Variants in YBX3 observed in about 807,000 individuals in gnomAD.
YBX3 encodes the protein Y-box binding protein 3, also known as Y-box-binding protein 3.
A neutral mutation model predicts 42.4 loss-of-function variants in YBX3; 29 were observed. The ratio of observed to expected loss-of-function variants is 0.68; its 90% CI spans 0.51 to 0.93. The LOEUF is 0.93. Among genes scored for constraint, YBX3 ranks in the 40% least tolerant of loss-of-function variants. The probability of loss-of-function intolerance (pLI) is 0.00; values close to 1 mark genes in which losing one functional copy is unlikely to be tolerated. For synonymous variants in YBX3, 195 were observed against 189.8 expected (o/e 1.03, Z -0.22); for missense variants, 517 against 527.5 (o/e 0.98, Z 0.19).
intron 1 of YBX3, 87 bp downstream of exon 1, chr12:10,722,763 G>A: frequency 2.5e-6 from 3 of 1,177,634 alleles, no homozygotes; most frequent in South Asian, 3.3e-5. Flanking sequence ...CCGGGTGGGA[G>A]ATGTAGCGCG....
intron 7 of YBX3, 142 bp downstream of exon 7, chr12:10,703,909 C>A: frequency 1.5e-6 from 1 of 688,848 alleles, no homozygotes; most frequent in South Asian, 2.4e-5. Context: ...GTCACACCAC[C>A]ACCTGAAAAC....
rs1948256101 is a variant in YBX3, at chr12:10,715,853, G to A, written c.361-70C>T. ...TGGCCACAGATTTCACTGCTTTCAA[G>A]TACACCAGAGTGAACTTGAAGAAAC... On this transcript the variant is annotated intron_variant, in intron 3 of 9. Transcript: ENST00000228251. The A allele has an allele frequency of 3.2e-6, 4 of 1,269,300 alleles. No homozygotes were observed. In the African/African-American group the frequency reaches 4.5e-5, roughly 14 times the overall value. The allele number at this position is 1,269,300 out of a possible 1,614,324, so 78.6% of individuals were successfully genotyped here.
At chr12:10,702,172 C>T (rs757577059) in intron 7 of YBX3, 38 bp from the exon 8 acceptor site, 2 of 1,562,954 alleles carry the variant, frequency 1.3e-6, no homozygotes, top group African/African-American at 1.4e-5. Flanking sequence ...CAGGTGCCAA[C>T]AGGACAGGGC....
In YBX3 at chr12:10,702,049, G is replaced by A; in HGVS notation, c.964C>T (p.Gln322Ter). The change falls in exon 8 of 10, where the codon CAG (glutamine) becomes TAG (stop). Residue 322 changes from glutamine to a stop codon, truncating the protein, a stop_gained. Coordinates refer to ENST00000228251, the MANE Select transcript of YBX3 (RefSeq NM_003651.5). LOFTEE classifies it high-confidence loss of function. ...ENQQATSGPN[Q>*]PSVRRGYRRP... ...CGGTATCCACGGCGAACAGACGGCT[G>A]GTTTGGACCACTGGTGGCTTGCTGA... 1.2e-6 allele frequency: 2 copies of A among 1,614,154 alleles called. No homozygotes were observed. The highest frequency in any genetic ancestry group is 8.5e-7 in the Non-Finnish European group (1 of 1,180,036).
Position 10,701,329 on chromosome 12 carries a change from CAGTT to C in YBX3, c.1074_1077del (p.Thr359ArgfsTer28), listed in dbSNP as rs1199241029. Reference sequence around the variant, plus strand: ...TGCTGGGTGGGTGGAGCAGGGTTCTCAGTTGGTGCTTCACCTGCCTTGGCCTAAA... The same window carrying C: ...TGCTGGGTGGGTGGAGCAGGGTTCTCGGTGCTTCACCTGCCTTGGCCTAAA... On this transcript the variant is annotated frameshift_variant, in exon 9 of 10. Coordinates refer to ENST00000228251, the MANE Select transcript of YBX3 (RefSeq NM_003651.5). LOFTEE classifies it high-confidence loss of function. 1 of 781,000 alleles carries C rather than the reference CAGTT, an allele frequency of 1.3e-6. No individual in the cohort carries two copies. The highest frequency in any genetic ancestry group is 2.4e-6 in the Non-Finnish European group (1 of 418,120). The allele number at this position is 781,000 out of a possible 1,614,324, so 48.4% of individuals were successfully genotyped here.
chr12:10,722,703 C>A lies in YBX3; in HGVS notation c.262+147G>T, dbSNP rs1303279066. 18 of 736,560 alleles carry A rather than the reference C, an allele frequency of 2.4e-5. No homozygotes were observed. The South Asian group carries it at 8.1e-4, about 33-fold the overall frequency. 45.6% of individuals were successfully genotyped at this position (736,560 alleles called of 1,614,324 possible). A position where few individuals can be genotyped will look rare whatever the true frequency, so the allele number is the denominator to read the frequency against. On this transcript the variant is annotated intron_variant, in intron 1 of 9. Transcript: ENST00000228251. ...GGCCAGCGCTGGGGACCCGGAGACC[C>A]CTGGGGACCCGGAGATCCCTGGGGA...
intron 3 of YBX3, among the ~76,000 whole-genome samples, chr12:10,716,565 G>C (rs1948264595): frequency 1.3e-5 from 2 of 152,178 alleles, no homozygotes; most frequent in African/African-American, 2.4e-5. Context: ...TTCCATCAAT[G>C]AAGGCAGAAA....
At position 10,718,362 on chromosome 12, in the gene YBX3, A is replaced by G. The variant is rs1591583512; in HGVS notation, c.327-241T>C. 5 of 443,880 alleles carry G rather than the reference A, an allele frequency of 1.1e-5. No individual in the cohort carries two copies. In the Admixed American group the frequency reaches 1.9e-4, roughly 17 times the overall value. The allele number at this position is 443,880 out of a possible 1,614,324, so 27.5% of individuals were successfully genotyped here. Reference sequence around the variant, plus strand: ...ATCCAAGCTCACAGACTCAACATACAGAAACATCCCGTTCCTCTGTCTCTT... The same window carrying G: ...ATCCAAGCTCACAGACTCAACATACGGAAACATCCCGTTCCTCTGTCTCTT... On this transcript the variant is annotated intron_variant, in intron 2 of 9. Transcript: ENST00000228251.
rs552270508 is a variant in YBX3, at chr12:10,710,197, A to G, written c.574-83T>C. ...AACACCATTTAGGATGAATATCACC[A>G]AAATAAAATCTCCCCAAAGCAATAT... On this transcript the variant is annotated intron_variant, in intron 5 of 9. Transcript: ENST00000228251. 7.4e-4 allele frequency: 1,144 copies of G among 1,543,340 alleles called. 2 individuals carry two copies. The highest frequency in any genetic ancestry group is 9.6e-4 in the Non-Finnish European group (1,100 of 1,149,446).
Position 10,702,036 on chromosome 12 carries a change from CG to C in YBX3, c.976del (p.Arg326AlafsTer62). On this transcript the variant is annotated frameshift_variant, in exon 8 of 10. Transcript: ENST00000228251. LOFTEE classifies it high-confidence loss of function. ...ATSGPNQPSVRRGYRRPYNYR... is the reference protein window; with the variant it reads ...ATSGPNQPSVXRGYRRPYNYR... Reference sequence around the variant, plus strand: ...ATTGTAGGGACGCCGGTATCCACGGCGAACAGACGGCTGGTTTGGACCACTG... The same window carrying C: ...ATTGTAGGGACGCCGGTATCCACGGCAACAGACGGCTGGTTTGGACCACTG... The C allele has an allele frequency of 6.2e-7, 1 of 1,614,048 alleles. No homozygotes were observed. Among genetic ancestry groups the C allele is most frequent in the Non-Finnish European group, 8.5e-7 (1 of 1,180,000 alleles).
chr12:10,707,602 T>C (rs527788937), intron 6 of YBX3, among the ~76,000 whole-genome samples: 1 of 152,332 alleles, frequency 6.6e-6, no homozygotes, highest in African/African-American at 2.4e-5. Flanking sequence ...TACTCTTACC[T>C]CCTGTGGTCT....
intron 3 of YBX3, among the ~76,000 whole-genome samples, chr12:10,717,426 G>A (rs1330257618): frequency 6.6e-6 from 1 of 152,168 alleles, no homozygotes; most frequent in Non-Finnish European, 1.5e-5. Flanking sequence ...TATAAAGGAA[G>A]TCTAGGACAT....
intron 7 of YBX3, 99 bp downstream of exon 7, chr12:10,703,952 A>T: frequency 8.9e-7 from 1 of 1,128,130 alleles, no homozygotes; most frequent in Non-Finnish European, 1.3e-6. Context: ...CACATCTTCT[A>T]GATATATAAT....
chr12:10,702,945 G>A (rs1948097933), intron 7 of YBX3: 1 of 152,154 alleles, frequency 6.6e-6, no homozygotes, highest in Non-Finnish European at 1.5e-5. Flanking sequence ...ATACGGCTGA[G>A]CTATATAAAA....
chr12:10,705,230 A>T (rs1288808190), intron 6 of YBX3, among the ~76,000 whole-genome samples: 3 of 152,126 alleles, frequency 2.0e-5, no homozygotes, highest in Non-Finnish European at 4.4e-5. Context: ...AGTAGCTGGG[A>T]CTACAGGCAT....
At position 10,710,084 on chromosome 12, in the gene YBX3, C is replaced by A. The variant is rs757254428; in HGVS notation, c.604G>T (p.Gly202Cys). The A allele has an allele frequency of 1.2e-6, 2 of 1,613,710 alleles. No individual in the cohort carries two copies. The highest frequency in any genetic ancestry group is 2.7e-5 in the African/African-American group (2 of 74,914). ...YAGEEEEEGS[G>C]SSEGFDPPAT... ...GGGGGGTCAAATCCTTCACTGCTGC[C>A]GCTCCCTTCCTCCTCCTCCTCCCCA... Residue 202 changes from glycine (G) to cysteine (C), a missense_variant, in exon 6 of 10, where the codon GGC (glycine) becomes TGC (cysteine). By Grantham distance (159) the Gly-to-Cys change is radical. Coordinates refer to ENST00000228251, the MANE Select transcript of YBX3 (RefSeq NM_003651.5).
chr12:10,707,849 G>A (rs1948155088), intron 6 of YBX3, among the ~76,000 whole-genome samples: 1 of 152,026 alleles, frequency 6.6e-6, no homozygotes, highest in Non-Finnish European at 1.5e-5. Context: ...AGAAACTGTT[G>A]AGTCACAAAA....
At position 10,722,867 on chromosome 12, in the gene YBX3, G is replaced by A. The variant is rs751603554; in HGVS notation, c.245C>T (p.Ala82Val). Residue 82 changes from alanine to valine, a missense_variant, in exon 1 of 10, where the codon GCG becomes GTG. Coordinates refer to ENST00000228251, the MANE Select transcript of YBX3 (RefSeq NM_003651.5). ...TGACTCACCGAGAACTTTTTTCTCC[G>A]CGTCTTCGCTGCCGGCGGCGGTGGC... Reference protein sequence around the residue: ...SLATAAGSEDAEKKVLATKVL... With the variant: ...SLATAAGSEDVEKKVLATKVL... 1 of 1,491,952 alleles carries A rather than the reference G, an allele frequency of 6.7e-7. No homozygotes were observed. The highest frequency in any genetic ancestry group is 1.3e-5 in the South Asian group (1 of 76,280). 92.4% of individuals were successfully genotyped at this position (1,491,952 alleles called of 1,614,324 possible).
intron 5 of YBX3, chr12:10,712,457 A>G (rs1440885679): frequency 2.0e-5 from 3 of 152,366 alleles, no homozygotes; most frequent in Middle Eastern, 6.8e-3. Context: ...CTAAAAATCC[A>G]CAGAATCACT....
Sources: gnomAD v4.1 joint callset for allele counts (sites outside exome capture counted in the v4.1 genomes callset) on GRCh38, gnomAD v4.1.1 for gene constraint, MANE v1.5 for transcripts, NCBI Gene and HGNC (gene_info 2026-07-23, HGNC 2026-07-21) for gene names.